NBAS: variants seen among roughly 807,000 people sequenced by gnomAD.
NBAS encodes NAG/BC035112 fusion.
In NBAS, 219 loss-of-function variants were observed where a neutral mutation model predicts 302.5. The ratio of observed to expected loss-of-function variants is 0.72; its 90% CI spans 0.65 to 0.81. NBAS has a LOEUF of 0.81. Among genes scored for constraint, NBAS ranks in the 30% least tolerant of loss-of-function variants. NBAS has a pLI of 0.00. For synonymous variants in NBAS, 1,118 were observed against 1,021.6 expected (o/e 1.09, Z -1.80); for missense variants, 2,932 against 2,841.6 (o/e 1.03, Z -0.72).
chr2:14,956,754 C>G, the NBAS span, among the ~76,000 whole-genome samples: 1 of 152,054 alleles, frequency 6.6e-6, no homozygotes, highest in Non-Finnish European at 1.5e-5. Context: ...GGGAAAACCA[C>G]CCCCCAAGAT....
At chr2:14,970,350 CTTAATGT>C in the NBAS span, among the ~76,000 whole-genome samples, 1 of 152,198 alleles carries the variant, frequency 6.6e-6, no homozygotes, top group East Asian at 1.9e-4. Context: ...GACTACACCA[CTTAATGT>C]TTAAGAAACT....
At chr2:15,499,568 C>T (rs1480529608) in intron 11 of NBAS, among the ~76,000 whole-genome samples, 1 of 152,032 alleles carries the variant, frequency 6.6e-6, no homozygotes, top group Non-Finnish European at 1.5e-5. Context: ...ATGATGAGAA[C>T]ACATAGACAC....
the NBAS span, among the ~76,000 whole-genome samples, chr2:14,999,413 T>C: frequency 4.2e-4 from 64 of 152,292 alleles, no homozygotes; most frequent in Non-Finnish European, 6.6e-4. Flanking sequence ...AATCTCCATG[T>C]TGAATTGTAA....
chr2:14,789,338 A>G, the NBAS span, among the ~76,000 whole-genome samples: 1 of 152,140 alleles, frequency 6.6e-6, no homozygotes, highest in Non-Finnish European at 1.5e-5. Flanking sequence ...TGCTGCACCC[A>G]CTGTCCTGCG....
chr2:15,109,287 T>C, the NBAS span, among the ~76,000 whole-genome samples: 73,693 of 151,980 alleles, frequency 0.48, 20,383 homozygotes, highest in Non-Finnish European at 0.6. Flanking sequence ...ATGGTTAGTG[T>C]ACAGCATTAA....
rs201084909 is a variant in NBAS, at chr2:15,275,741, T to A, written c.5467A>T (p.Ile1823Phe). 7.1e-4 allele frequency: 1,145 copies of A among 1,614,050 alleles called. 2 individuals carry two copies. Among genetic ancestry groups the A allele is most frequent in the Non-Finnish European group, 9.3e-4 (1,102 of 1,180,034 alleles). Residue 1823 changes from isoleucine to phenylalanine, a missense_variant, in exon 44 of 52, where the codon ATC becomes TTC. Transcript: ENST00000281513. ...GGAACAAGTTTGGAAATAGACAAGA[T>A]ATTTTGACTTGAAAGAACTGGCTCC... ...ALEPVLSSQN[I>F]LSISKLVPKI...
At chr2:15,004,005 TA>T in the NBAS span, among the ~76,000 whole-genome samples, 1 of 152,164 alleles carries the variant, frequency 6.6e-6, no homozygotes, top group East Asian at 1.9e-4. Context: ...TTAAATGCCG[TA>T]AAAAAATTGG....
At chr2:15,057,822 A>G in the NBAS span, among the ~76,000 whole-genome samples, 1 of 152,220 alleles carries the variant, frequency 6.6e-6, no homozygotes, top group Non-Finnish European at 1.5e-5. Flanking sequence ...CCACTCGTTG[A>G]TTGACAGGCA....
In NBAS at chr2:15,356,053, C is replaced by T. The variant is rs74349098; in HGVS notation, c.3931+250G>A. Among the ~76,000 whole-genome samples, 1,302 of 152,124 alleles carry T rather than the reference C, an allele frequency of 8.6e-3. 19 individuals carry two copies. Among genetic ancestry groups the T allele is most frequent in the East Asian group, 0.059 (306 of 5,190 alleles). On this transcript the variant is annotated intron_variant, in intron 33 of 51. Coordinates refer to ENST00000281513, the MANE Select transcript of NBAS (RefSeq NM_015909.4). ...TTTGCATAAAATTATTTTTAAATTACGAGCATGTTTTGAATAGGGACTAGA... is the reference window on the plus strand; with the variant it reads ...TTTGCATAAAATTATTTTTAAATTATGAGCATGTTTTGAATAGGGACTAGA...
the NBAS span, among the ~76,000 whole-genome samples, chr2:14,857,599 G>T: frequency 6.6e-6 from 1 of 152,120 alleles, no homozygotes; most frequent in Non-Finnish European, 1.5e-5. Context: ...AATAAATGCT[G>T]CTGGGAAAAC....
In NBAS at chr2:15,308,337, C is replaced by T. The variant is rs751871361; in HGVS notation, c.4676G>A (p.Arg1559Gln). Residue 1559 changes from arginine to glutamine, a missense_variant, in exon 40 of 52, where the codon CGG becomes CAG. Arg to Gln is a conservative substitution (Grantham distance 43). Transcript: ENST00000281513. ...LALPQVLDAN[R>Q]CFEKQSPSAL... ...AGAGGGGGACTGCTTTTCAAAGCAC[C>T]GGTTAGCATCTAACACCTAGGAGGG... The T allele has an allele frequency of 1.4e-5, 23 of 1,613,850 alleles. No individual in the cohort carries two copies. Among genetic ancestry groups the T allele is most frequent in the Non-Finnish European group, 1.8e-5 (21 of 1,179,972 alleles).
chr2:15,207,076 AC>A (rs1199562529), intron 48 of NBAS, among the ~76,000 whole-genome samples: 1 of 152,188 alleles, frequency 6.6e-6, no homozygotes, highest in Non-Finnish European at 1.5e-5. Context: ...TAGGCAATCA[AC>A]GCCAGCCTGA....
intron 47 of NBAS, among the ~76,000 whole-genome samples, chr2:15,226,060 T>C (rs531514663): frequency 9.2e-5 from 14 of 152,232 alleles, no homozygotes; most frequent in Non-Finnish European, 1.6e-4. Context: ...GCAATTCCTA[T>C]GCAGAATTAA....
chr2:14,832,590 C>A, the NBAS span, among the ~76,000 whole-genome samples: 1 of 152,156 alleles, frequency 6.6e-6, no homozygotes, highest in Non-Finnish European at 1.5e-5. Flanking sequence ...ATGATCCCAG[C>A]CTCCTGGGAT....
chr2:14,903,401 T>C, the NBAS span, among the ~76,000 whole-genome samples: 1 of 150,756 alleles, frequency 6.6e-6, no homozygotes, highest in Admixed American at 6.6e-5. Flanking sequence ...AAAATACATA[T>C]AAAGTATTTT....
At chr2:15,319,581 C>A (rs11902257) in intron 38 of NBAS, among the ~76,000 whole-genome samples, 76,392 of 151,948 alleles carry the variant, frequency 0.5, 20,319 homozygotes, top group East Asian at 0.85. Flanking sequence ...ACCGATCCCA[C>A]AGAAATACAA....
the NBAS span, among the ~76,000 whole-genome samples, chr2:15,135,480 G>A: frequency 3.9e-5 from 6 of 152,252 alleles, no homozygotes; most frequent in Non-Finnish European, 2.9e-5. Flanking sequence ...GTGGGAGCTC[G>A]AGGTGCAGTA....
chr2:15,516,677 C>G (rs1247659801), intron 9 of NBAS, among the ~76,000 whole-genome samples: 1 of 150,734 alleles, frequency 6.6e-6, no homozygotes, highest in Non-Finnish European at 1.5e-5. Flanking sequence ...GAGCCGAGAT[C>G]GCTCCACTGC....
rs184647163 is a variant in NBAS, at chr2:15,235,252, T to C, written c.5944-505A>G. On this transcript the variant is annotated intron_variant, in intron 45 of 51. Coordinates refer to ENST00000281513, the MANE Select transcript of NBAS (RefSeq NM_015909.4). Reference sequence around the variant, plus strand: ...GTATTTTTAAATTAGCTGCATGTTATAAAAAAGGAAATTAAAGACCAAGGA... The same window carrying C: ...GTATTTTTAAATTAGCTGCATGTTACAAAAAAGGAAATTAAAGACCAAGGA... Among the ~76,000 whole-genome samples the C allele has an allele frequency of 3.9e-5, 6 of 152,252 alleles. No individual in the cohort carries two copies. The East Asian group carries it at 9.6e-4, about 24-fold the overall frequency.
Sources: allele counts gnomAD v4.1 joint callset (sites outside exome capture counted in the v4.1 genomes callset), GRCh38; gene constraint gnomAD v4.1.1; transcripts MANE v1.5; gene names NCBI Gene and HGNC (gene_info 2026-07-23, HGNC 2026-07-21).